Variants in ADGRL2 observed in about 807,000 individuals in gnomAD.
ADGRL2 encodes adhesion G protein-coupled receptor L2.
A neutral mutation model predicts 157.4 loss-of-function variants in ADGRL2; 44 were observed. The observed-to-expected ratio is 0.28, with a 90% confidence interval of 0.22 to 0.36. The LOEUF (loss-of-function observed/expected upper bound fraction) is 0.36. ADGRL2 is among the 10% of genes least tolerant of loss of function. ADGRL2 has a pLI of 1.00. For synonymous variants in ADGRL2, 585 were observed against 624.7 expected, an observed-to-expected ratio of 0.94 and a Z score of 0.95; for missense variants, 1,510 against 1,768.9, an observed-to-expected ratio of 0.85 and a Z score of 2.63.
chr1:81,640,465 C>A (rs1036832849), intron 3 of ADGRL2, among the ~76,000 whole-genome samples: 7 of 151,780 alleles, frequency 4.6e-5, no homozygotes, highest in Admixed American at 2.6e-4. Context: ...AAACCTCCCC[C>A]TACTAAAATT....
At chr1:81,454,693 G>A (rs1047060977) in intron 2 of ADGRL2, among the ~76,000 whole-genome samples, 1 of 152,102 alleles carries the variant, frequency 6.6e-6, no homozygotes, top group African/African-American at 2.4e-5. Context: ...AATCGACTAC[G>A]AACTTGAAAA....
chr1:81,389,877 A>T (rs2076502574), intron 1 of ADGRL2, among the ~76,000 whole-genome samples: 1 of 152,142 alleles, frequency 6.6e-6, no homozygotes, highest in Non-Finnish European at 1.5e-5. Flanking sequence ...TTAAAAAACA[A>T]AAAAAGAAAG....
At chr1:81,579,148 A>G (rs1222389495) in intron 2 of ADGRL2, among the ~76,000 whole-genome samples, 1 of 152,166 alleles carries the variant, frequency 6.6e-6, no homozygotes, top group East Asian at 1.9e-4. Flanking sequence ...AAATTCCACC[A>G]AGGGGAAAGT....
rs11587261 is a variant in ADGRL2 at position 81,328,229 on chromosome 1, C to T, written c.-302+21720C>T. 9.5e-3 allele frequency among the ~76,000 whole-genome samples: 1,442 copies of T among 152,202 alleles called. 18 individuals are homozygous for T. Among genetic ancestry groups the T allele is most frequent in the Admixed American group, 0.014 (219 of 15,278 alleles). On this transcript the variant is annotated intron_variant, in intron 1 of 24. Coordinates refer to the ADGRL2 transcript ENST00000370721. ...GAAGAATTTCTACCAACTACATACT[C>T]AGTGGTTTGTTGGTATGTGGCTATA...
At chr1:81,615,709 G>C (rs2081630882) in intron 3 of ADGRL2, among the ~76,000 whole-genome samples, 1 of 152,148 alleles carries the variant, frequency 6.6e-6, no homozygotes, top group Non-Finnish European at 1.5e-5. Flanking sequence ...AGCATTATTT[G>C]AGGTCCCATC....
chr1:81,839,364 C>T (rs1028338249), intron 2 of ADGRL2, among the ~76,000 whole-genome samples: 5 of 151,870 alleles, frequency 3.3e-5, no homozygotes, highest in African/African-American at 9.7e-5. Flanking sequence ...GCATAAGGCA[C>T]GGTTCTTTTT....
chr1:81,423,526 A>T (rs369360845), intron 1 of ADGRL2, among the ~76,000 whole-genome samples: 65 of 152,348 alleles, frequency 4.3e-4, no homozygotes, highest in African/African-American at 1.5e-3. Context: ...AAGAAAAACA[A>T]GTCAGTCATG....
chr1:81,801,450 T>C (rs2088112118), intron 1 of ADGRL2, among the ~76,000 whole-genome samples: 1 of 152,128 alleles, frequency 6.6e-6, no homozygotes, highest in Non-Finnish European at 1.5e-5. Context: ...TCACTCTCTC[T>C]CCGCTCACAC....
intron 18 of ADGRL2, among the ~76,000 whole-genome samples, chr1:81,981,412 G>T (rs1661635023): frequency 6.6e-6 from 1 of 151,840 alleles, no homozygotes; most frequent in African/African-American, 2.4e-5. Flanking sequence ...TAACCTTTCT[G>T]TATGTGTCAC....
At chr1:81,934,848 G>C (rs1453024787) in intron 3 of ADGRL2, among the ~76,000 whole-genome samples, 1 of 151,738 alleles carries the variant, frequency 6.6e-6, no homozygotes, top group African/African-American at 2.4e-5. Context: ...GAGGTGTAAG[G>C]GTGTGATAAA....
At chr1:81,323,033 T>C (rs1660639184) in intron 1 of ADGRL2, among the ~76,000 whole-genome samples, 1 of 152,036 alleles carries the variant, frequency 6.6e-6, no homozygotes, top group East Asian at 1.9e-4. Flanking sequence ...AATTTTTGTA[T>C]TTTTAGTAGA....
chr1:81,589,327 C>G (rs763790678), intron 3 of ADGRL2, among the ~76,000 whole-genome samples: 57 of 152,220 alleles, frequency 3.7e-4, no homozygotes, highest in Middle Eastern at 3.4e-3. Context: ...CCAATCCCTA[C>G]AGACTATATT....
chr1:81,599,233 G>T (rs368876980), intron 3 of ADGRL2, among the ~76,000 whole-genome samples: 1 of 152,224 alleles, frequency 6.6e-6, no homozygotes, highest in East Asian at 1.9e-4. Context: ...TTTGGGAAAA[G>T]GATACCTACA....
chr1:81,889,285 G>T (rs1167986805), intron 2 of ADGRL2, among the ~76,000 whole-genome samples: 3 of 152,174 alleles, frequency 2.0e-5, no homozygotes, highest in African/African-American at 7.2e-5. Context: ...GTGAATGCAA[G>T]GAAAAAGTTC....
At chr1:81,465,258 A>G (rs569024733) in intron 2 of ADGRL2, among the ~76,000 whole-genome samples, 1 of 152,324 alleles carries the variant, frequency 6.6e-6, no homozygotes, top group African/African-American at 2.4e-5. Context: ...TGACAATTAT[A>G]CTAAGTTCTG....
At chr1:81,910,430 A>G (rs2148391466) in intron 3 of ADGRL2, among the ~76,000 whole-genome samples, 1 of 151,846 alleles carries the variant, frequency 6.6e-6, no homozygotes, top group South Asian at 2.1e-4. Flanking sequence ...TTATTATAGA[A>G]AGTAGATAAT....
intron 1 of ADGRL2, among the ~76,000 whole-genome samples, chr1:81,396,778 T>A (rs2076662557): frequency 6.6e-6 from 1 of 152,202 alleles, no homozygotes; most frequent in Admixed American, 6.5e-5. Context: ...TTTATCATGT[T>A]TATTGATTTG....
At chr1:81,816,627 G>A (rs550915936) in intron 1 of ADGRL2, among the ~76,000 whole-genome samples, 6 of 151,960 alleles carry the variant, frequency 3.9e-5, no homozygotes, top group African/African-American at 1.4e-4. Context: ...ATATGGTGAT[G>A]TTCTTTGGAG....
At chr1:81,887,813 G>A (rs2094162170) in intron 2 of ADGRL2, among the ~76,000 whole-genome samples, 1 of 152,202 alleles carries the variant, frequency 6.6e-6, no homozygotes, top group African/African-American at 2.4e-5. Context: ...TGCTATGTGT[G>A]ATAATTTAGG....
Sources: gnomAD v4.1 joint callset for allele counts (sites outside exome capture counted in the v4.1 genomes callset) on GRCh38, gnomAD v4.1.1 for gene constraint, MANE v1.5 for transcripts, NCBI Gene and HGNC (gene_info 2026-07-23, HGNC 2026-07-21) for gene names.